The following SMYD1 variants were observed in gnomAD, a reference collection of about 807,000 sequenced individuals.
SMYD1 encodes the protein SET and MYND domain containing 1.
Under a neutral mutation model 54.0 loss-of-function variants are expected in SMYD1, and 49 were observed. That is an observed-to-expected ratio of 0.91 (90% CI 0.72 to 1.15). The LOEUF is 1.15. Among genes scored for constraint, SMYD1 ranks in the 50% most tolerant of loss-of-function variants. SMYD1 has a pLI of 0.00. For synonymous variants in SMYD1, 269 were observed against 234.2 expected (o/e 1.15, Z -1.36); for missense variants, 653 against 639.6 (o/e 1.02, Z -0.23).
chr2:88,072,419 A>G (rs202018950), intron 1 of SMYD1, among the ~76,000 whole-genome samples: 3 of 152,194 alleles, frequency 2.0e-5, no homozygotes, highest in Non-Finnish European at 4.4e-5. Context: ...CCAAAGTGCT[A>G]GGATTACAGG....
At chr2:88,108,998 G>C (rs1674949495) in intron 9 of SMYD1, among the ~76,000 whole-genome samples, 1 of 152,168 alleles carries the variant, frequency 6.6e-6, no homozygotes, top group Non-Finnish European at 1.5e-5. Flanking sequence ...CAATTCACGA[G>C]GGATCTGCTC....
At chr2:88,106,816 T>A (rs939960516) in intron 8 of SMYD1, among the ~76,000 whole-genome samples, 1 of 152,164 alleles carries the variant, frequency 6.6e-6, no homozygotes, top group Non-Finnish European at 1.5e-5. Flanking sequence ...GACCCTGCCC[T>A]CCACCCTGTA....
At chr2:88,108,286 A>G in intron 8 of SMYD1, 85 bp from the exon 9 acceptor site, 2 of 1,350,654 alleles carry the variant, frequency 1.5e-6, no homozygotes, top group South Asian at 1.9e-5. Flanking sequence ...GGCTTAATCA[A>G]CAAGGGCACT....
Position 88,110,773 on chromosome 2 carries a change from C to G in SMYD1, c.*261C>G, listed in dbSNP as rs77720228. 28 of 390,106 alleles carry G rather than the reference C, an allele frequency of 7.2e-5. No individual in the cohort carries two copies. The East Asian group carries it at 1.2e-3, about 16-fold the overall frequency. 24.2% of individuals were successfully genotyped at this position (390,106 alleles called of 1,614,324 possible). On this transcript the variant is annotated 3_prime_UTR_variant, in exon 10 of 10. Coordinates refer to ENST00000419482, the MANE Select transcript of SMYD1 (RefSeq NM_198274.4). The stretch of plus-strand genomic sequence containing the variant: ...TAGGCCCTAGAACCCAATAAAGGAG[C>G]TCCAAATGTCGTTGGGTGGGGAAGC...
rs550726343 is a variant in SMYD1, at chr2:88,112,374, C to T, written c.*1862C>T. 4 of 552,802 alleles carry T rather than the reference C, an allele frequency of 7.2e-6. No homozygotes were observed. The East Asian group carries it at 8.9e-5, about 12-fold the overall frequency. The allele number at this position is 552,802 out of a possible 1,614,324, so 34.2% of individuals were successfully genotyped here. On this transcript the variant is annotated 3_prime_UTR_variant, in exon 10 of 10. Coordinates refer to ENST00000419482, the MANE Select transcript of SMYD1 (RefSeq NM_198274.4). The stretch of plus-strand genomic sequence containing the variant: ...GTTCTGTGTCTGTGCTCCTCCTTCC[C>T]TCTCAGACCACTGGAATGCAAGTCC...
rs113636517 is a variant in SMYD1 at position 88,087,989 on chromosome 2, C to A, written c.442C>A (p.Arg148=). The A allele has an allele frequency of 5.7e-3, 9,254 of 1,614,178 alleles. 41 individuals are homozygous for A. Among genetic ancestry groups the A allele is most frequent in the Non-Finnish European group, 7.1e-3 (8,360 of 1,180,022 alleles). ...HFGEEEQKDL[R]VDVDTFLQYW... Reference sequence around the variant, plus strand: ...TGGGGAGGAGGAGCAGAAGGACCTGCGGGTGGACGTGGACACATTCTTGCA... The same window carrying A: ...TGGGGAGGAGGAGCAGAAGGACCTGAGGGTGGACGTGGACACATTCTTGCA... Residue 148 remains arginine, a synonymous_variant, in exon 3 of 10, where the codon CGG becomes AGG. Coordinates refer to ENST00000419482, the MANE Select transcript of SMYD1 (RefSeq NM_198274.4).
chr2:88,077,906 G>T (rs921883116), intron 1 of SMYD1, among the ~76,000 whole-genome samples: 1 of 152,014 alleles, frequency 6.6e-6, no homozygotes, highest in Non-Finnish European at 1.5e-5. Context: ...TGTATTTTTA[G>T]TAGAGACGGG....
chr2:88,069,440 T>C (rs568790898), intron 1 of SMYD1, among the ~76,000 whole-genome samples: 2 of 152,282 alleles, frequency 1.3e-5, no homozygotes, highest in South Asian at 4.1e-4. Context: ...TGTGTGTGTG[T>C]ATGTGTATGT....
At chr2:88,104,966 C>A (rs1386569991) in intron 7 of SMYD1, among the ~76,000 whole-genome samples, 1 of 152,208 alleles carries the variant, frequency 6.6e-6, no homozygotes, top group Non-Finnish European at 1.5e-5. Flanking sequence ...GAGCCTCCTT[C>A]TCTGCTCATC....
At chr2:88,105,712 C>T (rs945788815) in intron 7 of SMYD1, among the ~76,000 whole-genome samples, 6 of 151,940 alleles carry the variant, frequency 3.9e-5, no homozygotes, top group African/African-American at 1.5e-4. Flanking sequence ...CTGAGGTGGG[C>T]GGATTGCCTG....
chr2:88,108,254 A>C (rs190720430), intron 8 of SMYD1, 117 bp from the exon 9 acceptor site: 665 of 997,430 alleles, frequency 6.7e-4, no homozygotes, highest in Admixed American at 8.8e-4. Context: ...GAAGCCTTGC[A>C]GTGCTGAGGG....
intron 6 of SMYD1, among the ~76,000 whole-genome samples, chr2:88,099,460 C>T (rs1674671797): frequency 6.6e-6 from 1 of 152,090 alleles, no homozygotes; most frequent in Non-Finnish European, 1.5e-5. Context: ...TGCGGTGGCT[C>T]ACGCCTGTAA....
In SMYD1 at chr2:88,088,858, C is replaced by T. The variant is rs1204667443; in HGVS notation, c.528+783C>T. ...CAAGCCAGACGAGGCCATAAGAGTCCGGGAAGTGGGGGCGAGAACCCGGTG... is the reference window on the plus strand; with the variant it reads ...CAAGCCAGACGAGGCCATAAGAGTCTGGGAAGTGGGGGCGAGAACCCGGTG... On this transcript the variant is annotated intron_variant, in intron 3 of 9. Transcript: ENST00000419482. Among the ~76,000 whole-genome samples, 5 of 151,984 alleles carry T rather than the reference C, an allele frequency of 3.3e-5. No individual in the cohort carries two copies. The East Asian group carries it at 7.7e-4, about 24-fold the overall frequency.
chr2:88,107,878 C>T (rs988258938), intron 8 of SMYD1, among the ~76,000 whole-genome samples: 2 of 152,208 alleles, frequency 1.3e-5, no homozygotes, highest in African/African-American at 4.8e-5. Context: ...ATTCCCTGAC[C>T]CCTTGCACTT....
intron 7 of SMYD1, among the ~76,000 whole-genome samples, chr2:88,104,558 G>C (rs935976135): frequency 1.3e-5 from 2 of 152,192 alleles, no homozygotes; most frequent in Admixed American, 6.5e-5. Flanking sequence ...GCAGGGCTAG[G>C]TGTGGCTCTG....
At chr2:88,083,070 G>A (rs767642243) in intron 1 of SMYD1, 22 of 152,178 alleles carry the variant, frequency 1.4e-4, no homozygotes, top group African/African-American at 4.6e-4. Flanking sequence ...GGAATTCTGT[G>A]ATTCTAAAAG....
chr2:88,083,427 CG>C (rs979177457), intron 1 of SMYD1, among the ~76,000 whole-genome samples: 8 of 151,978 alleles, frequency 5.3e-5, no homozygotes, highest in South Asian at 2.1e-4. Context: ...CTGGAAGCAC[CG>C]GGCGGGGATC....
chr2:88,068,139 G>A, intron 1 of SMYD1, 138 bp downstream of exon 1: 2 of 1,242,628 alleles, frequency 1.6e-6, no homozygotes, highest in Non-Finnish European at 2.2e-6. Flanking sequence ...ACTTCTGAGA[G>A]CTAATTTTTC....
rs1372292333 is a variant in SMYD1, at chr2:88,096,585, C to T, written c.699-10C>T. Reference sequence around the variant, plus strand: ...GATTCGATTCACCTTTTCCTTTCACCCTGCTTCAGAATTGAGCTCCGGGCC... The same window carrying T: ...GATTCGATTCACCTTTTCCTTTCACTCTGCTTCAGAATTGAGCTCCGGGCC... On this transcript the variant is annotated splice_polypyrimidine_tract_variant and intron_variant, in intron 5 of 9. Transcript: ENST00000419482. 1.1e-5 allele frequency: 17 copies of T among 1,603,646 alleles called. No homozygotes were observed. The highest frequency in any genetic ancestry group is 2.2e-5 in the East Asian group (1 of 44,758).
Sources: allele counts gnomAD v4.1 joint callset (sites outside exome capture counted in the v4.1 genomes callset), GRCh38; gene constraint gnomAD v4.1.1; transcripts MANE v1.5; gene names NCBI Gene and HGNC (gene_info 2026-07-23, HGNC 2026-07-21).